The following PPARGC1A variants were observed in gnomAD, a reference collection of about 807,000 sequenced individuals.
PPARGC1A encodes PPARG coactivator 1 alpha, also known as peroxisome proliferator-activated receptor gamma coactivator 1-alpha.
A neutral mutation model predicts 88.7 loss-of-function variants in PPARGC1A; 25 were observed. That is an observed-to-expected ratio of 0.28 (90% CI 0.21 to 0.39). The LOEUF (loss-of-function observed/expected upper bound fraction) is 0.39. PPARGC1A is among the 10% of genes least tolerant of loss of function. The pLI is 1.00. For synonymous variants in PPARGC1A, 363 were observed against 355.6 expected (o/e 1.02, Z -0.24); for missense variants, 880 against 968.7 (o/e 0.91, Z 1.22).
chr4:23,839,428 T>G (rs1221563388), intron 2 of PPARGC1A, among the ~76,000 whole-genome samples: 6 of 152,114 alleles, frequency 3.9e-5, no homozygotes, highest in Admixed American at 3.9e-4. Context: ...TTAATAGGCC[T>G]GAAAAGAGCG....
At chr4:23,805,799 G>A (rs1450982154) in intron 10 of PPARGC1A, among the ~76,000 whole-genome samples, 1 of 152,124 alleles carries the variant, frequency 6.6e-6, no homozygotes, top group Non-Finnish European at 1.5e-5. Context: ...AAGTGCAGAA[G>A]TGAGAGAAAG....
the PPARGC1A span, among the ~76,000 whole-genome samples, chr4:24,127,398 A>AT: frequency 1.3e-4 from 19 of 151,938 alleles, no homozygotes; most frequent in African/African-American, 4.4e-4. Flanking sequence ...AAATCTGAAG[A>AT]TTTTTTTATC....
the PPARGC1A span, among the ~76,000 whole-genome samples, chr4:23,991,440 C>T: frequency 6.6e-6 from 1 of 152,052 alleles, no homozygotes; most frequent in African/African-American, 2.4e-5. Context: ...ACAATCTCTG[C>T]TTGAAGGGAA....
At chr4:23,909,561 C>T in the PPARGC1A span, among the ~76,000 whole-genome samples, 2 of 151,914 alleles carry the variant, frequency 1.3e-5, no homozygotes, top group East Asian at 4.0e-4. Flanking sequence ...ATTCCTCTGG[C>T]TTTTGAGGGG....
chr4:24,353,256 T>G, the PPARGC1A span, among the ~76,000 whole-genome samples: 3 of 149,724 alleles, frequency 2.0e-5, no homozygotes, highest in African/African-American at 4.9e-5. Flanking sequence ...ACTAACAAAC[T>G]AGGTGCTTAT....
the PPARGC1A span, among the ~76,000 whole-genome samples, chr4:24,374,390 A>G: frequency 6.7e-6 from 1 of 150,272 alleles, no homozygotes; most frequent in African/African-American, 2.4e-5. Context: ...AACATCGCAC[A>G]TTGGGGTCTA....
At chr4:23,935,399 C>T in the PPARGC1A span, among the ~76,000 whole-genome samples, 4 of 152,320 alleles carry the variant, frequency 2.6e-5, no homozygotes, top group South Asian at 4.1e-4. Context: ...TGCTTACACA[C>T]TTAGCAGAGA....
At chr4:24,417,541 T>G in the PPARGC1A span, among the ~76,000 whole-genome samples, 1 of 152,226 alleles carries the variant, frequency 6.6e-6, no homozygotes, top group Admixed American at 6.5e-5. Context: ...GGGTCAAGAT[T>G]AATTGCACAA....
the PPARGC1A span, among the ~76,000 whole-genome samples, chr4:24,053,389 A>C: frequency 2.6e-5 from 4 of 152,190 alleles, no homozygotes; most frequent in Admixed American, 1.3e-4. Flanking sequence ...AATACAAGAG[A>C]GAGTAGGATA....
At chr4:23,796,344 G>T (rs1006216939) in intron 12 of PPARGC1A, among the ~76,000 whole-genome samples, 1 of 151,958 alleles carries the variant, frequency 6.6e-6, no homozygotes. Context: ...ATGAGAGAAA[G>T]AATCATGAGA....
At chr4:24,467,702 A>G in the PPARGC1A span, among the ~76,000 whole-genome samples, 1 of 152,072 alleles carries the variant, frequency 6.6e-6, no homozygotes, top group East Asian at 1.9e-4. Context: ...GCTTTCGACA[A>G]CTTACCCACG....
the PPARGC1A span, among the ~76,000 whole-genome samples, chr4:23,992,264 GATAATATTATTACTAGTCTATACTATTA>G: frequency 1.8e-4 from 6 of 32,526 alleles, no homozygotes; most frequent in Non-Finnish European, 3.5e-4. Flanking sequence ...ATTATTATCA[GATAATATTATTACTAGTCTATACTATTA>G]TTATCAGATA....
the PPARGC1A span, chr4:24,091,718 G>A: frequency 2.4e-6 from 2 of 848,240 alleles, no homozygotes; most frequent in Non-Finnish European, 2.8e-6. Context: ...GACACATGGG[G>A]CTACCCAGAC....
At chr4:24,470,277 G>GACACAC in the PPARGC1A span, among the ~76,000 whole-genome samples, 6,482 of 110,510 alleles carry the variant, frequency 0.059, 290 homozygotes, top group Admixed American at 0.085. This position sits in a 1 kb window ranked among gnomAD's most constrained non-coding sequence, Gnocchi z 5.8. Flanking sequence ...GACAGACACA[G>GACACAC]ACACACACAC....
the PPARGC1A span, among the ~76,000 whole-genome samples, chr4:24,437,373 C>T: frequency 1.3e-5 from 2 of 152,154 alleles, no homozygotes; most frequent in Non-Finnish European, 2.9e-5. Flanking sequence ...GATAGCTGAA[C>T]ACCTGAAGGG....
chr4:24,197,605 T>C, the PPARGC1A span, among the ~76,000 whole-genome samples: 5 of 152,364 alleles, frequency 3.3e-5, no homozygotes, highest in Non-Finnish European at 5.9e-5. Flanking sequence ...ATCATTTATC[T>C]GAATCATCCT....
chr4:23,805,319 G>A (rs985382908), intron 10 of PPARGC1A, among the ~76,000 whole-genome samples: 1 of 151,832 alleles, frequency 6.6e-6, no homozygotes, highest in Non-Finnish European at 1.5e-5. Flanking sequence ...AGTGTAAGAA[G>A]TAGCTACATG....
At chr4:24,444,822 G>A in the PPARGC1A span, among the ~76,000 whole-genome samples, 90 of 152,296 alleles carry the variant, frequency 5.9e-4, no homozygotes, top group Non-Finnish European at 1.0e-3. Flanking sequence ...CAATTTGGGA[G>A]ACAGGCAGAT....
the PPARGC1A span, among the ~76,000 whole-genome samples, chr4:23,918,462 G>C: frequency 6.6e-6 from 1 of 152,022 alleles, no homozygotes; most frequent in Non-Finnish European, 1.5e-5. Context: ...CCTCAAGTGA[G>C]GTCACCTCGG....
Sources: gnomAD v4.1 joint callset for allele counts (sites outside exome capture counted in the v4.1 genomes callset) on GRCh38, gnomAD v4.1.1 for gene constraint, Gnocchi (gnomAD v3.1) non-coding constraint, MANE v1.5 for transcripts, NCBI Gene and HGNC (gene_info 2026-07-23, HGNC 2026-07-21) for gene names.